The following YEATS2 variants were observed in gnomAD, a reference collection of about 807,000 sequenced individuals.
YEATS2 encodes YEATS domain-containing protein 2.
A neutral mutation model predicts 163.2 loss-of-function variants in YEATS2; 77 were observed. The observed-to-expected ratio is 0.47, with a 90% CI of 0.39 to 0.57. The LOEUF (loss-of-function observed/expected upper bound fraction) is 0.57. YEATS2 is among the 20% of genes least tolerant of loss of function. YEATS2 has a pLI of 0.00. For synonymous variants in YEATS2, 631 were observed against 645.1 expected, an observed-to-expected ratio of 0.98 and a Z score of 0.33; for missense variants, 1,549 against 1,729.8, an observed-to-expected ratio of 0.90 and a Z score of 1.85.
intron 1 of YEATS2, among the ~76,000 whole-genome samples, chr3:183,712,199 T>TTATTTTATTTTATG (rs1560220669): frequency 1.1e-5 from 1 of 93,924 alleles, no homozygotes; most frequent in African/African-American, 6.3e-5. Context: ...TTTATTTTAT[T>TTATTTTATTTTATG]TTATTTTATT....
chr3:183,781,044 C>T (rs1431721555), intron 19 of YEATS2, among the ~76,000 whole-genome samples: 2 of 152,126 alleles, frequency 1.3e-5, no homozygotes, highest in East Asian at 1.9e-4. Context: ...AAATAAATTA[C>T]GGATGATTTA....
intron 2 of YEATS2, among the ~76,000 whole-genome samples, chr3:183,715,922 TAAGC>T (rs1715804944): frequency 6.6e-6 from 1 of 152,198 alleles, no homozygotes; most frequent in Non-Finnish European, 1.5e-5. Flanking sequence ...CAGAATGTCT[TAAGC>T]AAGCTTAAAA....
chr3:183,749,745 C>T (rs977067839), intron 9 of YEATS2, among the ~76,000 whole-genome samples: 1 of 152,068 alleles, frequency 6.6e-6, no homozygotes, highest in Non-Finnish European at 1.5e-5. Context: ...GTAATCTGTC[C>T]TTAGCCTGTC....
chr3:183,702,138 G>T (rs1714160489), intron 1 of YEATS2, among the ~76,000 whole-genome samples: 1 of 152,118 alleles, frequency 6.6e-6, no homozygotes, highest in African/African-American at 2.4e-5. Flanking sequence ...CTACAGAACA[G>T]ATGATATGGA....
intron 27 of YEATS2, among the ~76,000 whole-genome samples, chr3:183,805,467 C>T (rs894537189): frequency 1.3e-5 from 2 of 151,882 alleles, no homozygotes; most frequent in Non-Finnish European, 2.9e-5. Flanking sequence ...GAAGCTCCAC[C>T]CCTCCTGTCC....
intron 16 of YEATS2, 109 bp downstream of exon 16, chr3:183,772,672 T>A: frequency 7.3e-7 from 1 of 1,374,230 alleles, no homozygotes; most frequent in Non-Finnish European, 9.9e-7. Context: ...CCTAGTTAGG[T>A]TGATGCTGTA....
chr3:183,803,200 G>C, intron 25 of YEATS2, 56 bp from the exon 26 acceptor site: 2 of 1,573,546 alleles, frequency 1.3e-6, no homozygotes, highest in Non-Finnish European at 1.7e-6. Flanking sequence ...AGCAAATGAC[G>C]TGTGGTTGGA....
chr3:183,756,363 G>C (rs921140955), intron 11 of YEATS2, among the ~76,000 whole-genome samples, 165 bp from the exon 12 acceptor site: 2 of 152,142 alleles, frequency 1.3e-5, no homozygotes, highest in Non-Finnish European at 2.9e-5. Context: ...TGCCTCCTTT[G>C]TACCTCTGTT....
In YEATS2 at chr3:183,721,880, A is replaced by G; in HGVS notation, c.292-11A>G. ...ATTAAAAATTTATTTGCTTGCTTTC[A>G]TTTTTTGTAGGGATCAAAGACATGT... On this transcript the variant is annotated splice_polypyrimidine_tract_variant and intron_variant, in intron 4 of 30. Transcript: ENST00000305135. The G allele has an allele frequency of 1.2e-6, 2 of 1,605,684 alleles. No homozygotes were observed. The highest frequency in any genetic ancestry group is 1.7e-6 in the Non-Finnish European group (2 of 1,176,566).
At chr3:183,714,622 C>T (rs1474961677) in intron 1 of YEATS2, among the ~76,000 whole-genome samples, 3 of 151,968 alleles carry the variant, frequency 2.0e-5, no homozygotes, top group African/African-American at 7.3e-5. Context: ...TAATAATGAT[C>T]AGTAATAGTG....
At chr3:183,759,025 A>C (rs1386823989) in intron 13 of YEATS2, 60 bp downstream of exon 13, 1 of 1,259,840 alleles carries the variant, frequency 7.9e-7, no homozygotes, top group Non-Finnish European at 1.1e-6. Flanking sequence ...ATTTTTAAAA[A>C]ATAATTTTTC....
At chr3:183,783,471 A>T (rs1158909561) in intron 19 of YEATS2, among the ~76,000 whole-genome samples, 1 of 152,218 alleles carries the variant, frequency 6.6e-6, no homozygotes, top group Admixed American at 6.5e-5. Flanking sequence ...ATATTGCATG[A>T]TGCTGAGGCT....
chr3:183,800,347 CA>C, intron 23 of YEATS2, 118 bp from the exon 24 acceptor site: 1 of 682,408 alleles, frequency 1.5e-6, no homozygotes, highest in Non-Finnish European at 2.6e-6. Context: ...TGTGTCCCCA[CA>C]ACAGCTGGAG....
chr3:183,718,615 C>A, intron 4 of YEATS2, 23 bp downstream of exon 4: 3 of 1,552,040 alleles, frequency 1.9e-6, no homozygotes, highest in South Asian at 1.2e-5. Context: ...CATACCCAGT[C>A]ATTTTCCAGC....
chr3:183,792,278 A>G (rs953550802), intron 21 of YEATS2, among the ~76,000 whole-genome samples: 2 of 151,970 alleles, frequency 1.3e-5, no homozygotes, highest in African/African-American at 4.8e-5. Context: ...TATTTGTCCT[A>G]ATGCTCTCCC....
At chr3:183,762,432 G>A (rs1721462798) in intron 15 of YEATS2, among the ~76,000 whole-genome samples, 153 bp downstream of exon 15, 1 of 152,224 alleles carries the variant, frequency 6.6e-6, no homozygotes. Context: ...GTCTGTTGGT[G>A]TGAAACTCTT....
In YEATS2 at chr3:183,803,245, G is replaced by T; in HGVS notation, c.3503-11G>T. 1.2e-6 allele frequency: 2 copies of T among 1,611,030 alleles called. No homozygotes were observed. Among genetic ancestry groups the T allele is most frequent in the Non-Finnish European group, 1.7e-6 (2 of 1,179,606 alleles). ...GCTTTATTCAGGCTTTGCTGGGTGT[G>T]TGCATTCTAGGTGAAGATGCCAGCT... On this transcript the variant is annotated splice_polypyrimidine_tract_variant and intron_variant, in intron 25 of 30. Transcript: ENST00000305135.
chr3:183,801,686 G>T (rs575324144), intron 25 of YEATS2, 158 bp downstream of exon 25: 11 of 526,256 alleles, frequency 2.1e-5, no homozygotes, highest in Admixed American at 1.9e-4. Flanking sequence ...AAGGGTTTTA[G>T]AATTCACATC....
At chr3:183,708,451 C>T (rs1714851118) in intron 1 of YEATS2, among the ~76,000 whole-genome samples, 1 of 152,174 alleles carries the variant, frequency 6.6e-6, no homozygotes, top group Non-Finnish European at 1.5e-5. Flanking sequence ...TCTTCCCTGA[C>T]TCGAGAGCTA....
Sources: gnomAD v4.1 joint callset for allele counts (sites outside exome capture counted in the v4.1 genomes callset) on GRCh38, gnomAD v4.1.1 for gene constraint, MANE v1.5 for transcripts, NCBI Gene and HGNC (gene_info 2026-07-23, HGNC 2026-07-21) for gene names.